LPP: variants seen among roughly 807,000 people sequenced by gnomAD.
LPP encodes the protein lipoma-preferred partner.
A neutral mutation model predicts 60.4 loss-of-function variants in LPP; 38 were observed. That is an observed-to-expected ratio of 0.63 (90% CI 0.49 to 0.83). The LOEUF (loss-of-function observed/expected upper bound fraction) is 0.83, where lower values mean the gene tolerates loss of function less well. Ranked by LOEUF, LPP falls within the 40% of genes least tolerant of loss-of-function variation. LPP has a pLI of 0.00. For missense variants in LPP, 902 were observed against 783.6 expected (o/e 1.15, Z -1.80); for synonymous variants, 328 against 290.8 (o/e 1.13, Z -1.30).
intron 2 of LPP, among the ~76,000 whole-genome samples, chr3:188,229,588 G>T (rs976611252): frequency 6.6e-6 from 1 of 152,194 alleles, no homozygotes; most frequent in African/African-American, 2.4e-5. Flanking sequence ...ATTACAAGAG[G>T]ATTTGTCGGG....
Position 188,663,368 on chromosome 3 carries a change from G to C in LPP, c.1114-44899G>C, listed in dbSNP as rs191026275. The stretch of plus-strand genomic sequence containing the variant: ...TAATCCACAGCAAAGATCTCAAGCT[G>C]TTAGGTAAATGAAATGTTTCCACAG... On this transcript the variant is annotated intron_variant, in intron 7 of 11. Transcript: ENST00000617246. Among the ~76,000 whole-genome samples, 21 of 152,324 alleles carry C rather than the reference G, an allele frequency of 1.4e-4. No homozygotes were observed. The East Asian group carries it at 3.3e-3, about 24-fold the overall frequency.
intron 9 of LPP, among the ~76,000 whole-genome samples, chr3:188,831,319 A>C (rs1480586811): frequency 6.6e-6 from 1 of 152,174 alleles, no homozygotes; most frequent in Non-Finnish European, 1.5e-5. Flanking sequence ...CTGGAGAGCA[A>C]AATCAAGCAC....
chr3:188,767,707 C>T (rs1734600697), intron 9 of LPP, among the ~76,000 whole-genome samples: 1 of 152,118 alleles, frequency 6.6e-6, no homozygotes, highest in African/African-American at 2.4e-5. Flanking sequence ...CATAAGCGCA[C>T]TCTTGGGTTA....
intron 5 of LPP, among the ~76,000 whole-genome samples, chr3:188,489,653 A>G (rs1807727311): frequency 6.6e-6 from 1 of 152,216 alleles, no homozygotes; most frequent in African/African-American, 2.4e-5. Flanking sequence ...TACTGTTAAC[A>G]TAAATTAAGG....
At chr3:188,504,507 G>A (rs1812883756) in intron 5 of LPP, among the ~76,000 whole-genome samples, 1 of 151,952 alleles carries the variant, frequency 6.6e-6, no homozygotes, top group Non-Finnish European at 1.5e-5. Context: ...TTGATTTTTT[G>A]TTGTTGTTGA....
chr3:188,354,048 G>A (rs1217953328), intron 3 of LPP, among the ~76,000 whole-genome samples: 1 of 151,712 alleles, frequency 6.6e-6, no homozygotes, highest in Non-Finnish European at 1.5e-5. Flanking sequence ...TTGATGTTCT[G>A]TAGGTTTTCT....
Position 188,622,160 on chromosome 3 carries a change from A to C in LPP, c.1113+12316A>C, listed in dbSNP as rs148319738. Among the ~76,000 whole-genome samples, 991 of 152,250 alleles carry C rather than the reference A, an allele frequency of 6.5e-3. 12 individuals are homozygous for C. The highest frequency in any genetic ancestry group is 0.023 in the African/African-American group (953 of 41,542). ...GATGGCAATACAACCAGTAAAAGGC[A>C]GATAATGGTATCTGTTTTTGCAGAC... On this transcript the variant is annotated intron_variant, in intron 7 of 11. Transcript: ENST00000617246.
chr3:188,831,679 C>A (rs568584462), intron 9 of LPP, among the ~76,000 whole-genome samples: 1 of 152,288 alleles, frequency 6.6e-6, no homozygotes, highest in African/African-American at 2.4e-5. Context: ...TTTCCTTTAC[C>A]TTAATTTTGA....
At position 188,883,593 on chromosome 3, in the gene LPP, C is replaced by T. The variant is rs1770306355; in HGVS notation, c.*9114C>T. On this transcript the variant is annotated 3_prime_UTR_variant, in exon 12 of 12. Transcript: ENST00000617246. ...AAAAAAAATACAAAAATTAGCCGGG[C>T]GTGTTGGCGGGCGCCTGTAGTCCCA... 1.1e-5 allele frequency: 2 copies of T among 180,266 alleles called. No homozygotes were observed. The highest frequency in any genetic ancestry group is 2.4e-5 in the African/African-American group (1 of 42,310). 11.2% of individuals were successfully genotyped at this position (180,266 alleles called of 1,614,324 possible). A position where few individuals can be genotyped will look rare whatever the true frequency, so the allele number is the denominator to read the frequency against.
At chr3:188,752,610 A>G (rs888438337) in intron 8 of LPP, among the ~76,000 whole-genome samples, 2 of 152,156 alleles carry the variant, frequency 1.3e-5, no homozygotes, top group African/African-American at 4.8e-5. Context: ...TGTCATGACT[A>G]CTATGTGTAT....
chr3:188,318,559 A>G (rs1755837483), intron 2 of LPP, among the ~76,000 whole-genome samples: 1 of 151,994 alleles, frequency 6.6e-6, no homozygotes, highest in Non-Finnish European at 1.5e-5. Flanking sequence ...GGCTCATATA[A>G]TTTCAGCTTG....
chr3:188,476,545 T>C (rs1419060869), intron 4 of LPP, among the ~76,000 whole-genome samples: 1 of 152,236 alleles, frequency 6.6e-6, no homozygotes, highest in Non-Finnish European at 1.5e-5. Flanking sequence ...CCAAATTTTC[T>C]TGAGAAAAGT....
rs1192201278 is a variant in LPP at position 188,406,153 on chromosome 3, C to T, written c.33C>T (p.Ser11=). 1.2e-6 allele frequency: 2 copies of T among 1,613,804 alleles called. No homozygotes were observed. Among genetic ancestry groups the T allele is most frequent in the Admixed American group, 3.3e-5 (2 of 59,964 alleles). ...ACCCATCTTGGCTGCCACCCAAAAG[C>T]ACTGGTGAGCCCCTCGGCCATGTGC... MSHPSWLPPK[S]TGEPLGHVPA... Residue 11 remains serine, a synonymous_variant, in exon 4 of 12, where the codon AGC becomes AGT. Coordinates refer to ENST00000617246, the MANE Select transcript of LPP (RefSeq NM_001375462.1).
intron 5 of LPP, 120 bp from the exon 6 acceptor site, chr3:188,524,545 T>TA (rs937888235): frequency 0.011 from 8,901 of 843,178 alleles, 5 homozygotes; most frequent in Middle Eastern, 0.015. Flanking sequence ...AAAGCTTAAT[T>TA]AAAAAAAAAA....
intron 4 of LPP, among the ~76,000 whole-genome samples, chr3:188,456,346 T>C (rs1797736652): frequency 6.6e-6 from 1 of 152,198 alleles, no homozygotes; most frequent in South Asian, 2.1e-4. Context: ...TCTGAAAAGG[T>C]GCTATGGGGA....
At chr3:188,378,054 C>T (rs553679546) in intron 3 of LPP, among the ~76,000 whole-genome samples, 9 of 152,274 alleles carry the variant, frequency 5.9e-5, no homozygotes, top group African/African-American at 1.2e-4. Flanking sequence ...GCTGCCCGAT[C>T]ATTCCTCTGG....
intron 4 of LPP, among the ~76,000 whole-genome samples, chr3:188,414,529 A>G (rs1054592731): frequency 6.6e-6 from 1 of 152,198 alleles, no homozygotes. Flanking sequence ...CATGTTATCC[A>G]TAAGTACTCA....
intron 6 of LPP, among the ~76,000 whole-genome samples, chr3:188,603,023 AAAT>A (rs57026715): frequency 0.13 from 19,630 of 146,404 alleles, 1,809 homozygotes; most frequent in East Asian, 0.34. Flanking sequence ...CTTGTGTTTG[AAAT>A]AATAATAATA....
intron 9 of LPP, among the ~76,000 whole-genome samples, chr3:188,820,425 G>C (rs1577770095): frequency 6.6e-6 from 1 of 152,106 alleles, no homozygotes; most frequent in African/African-American, 2.4e-5. Context: ...CAAAAAGTGT[G>C]TGTCTCTTTG....
Sources: allele counts gnomAD v4.1 joint callset (sites outside exome capture counted in the v4.1 genomes callset), GRCh38; gene constraint gnomAD v4.1.1; transcripts MANE v1.5; gene names NCBI Gene and HGNC (gene_info 2026-07-23, HGNC 2026-07-21).